The following PRR11 variants were observed in gnomAD, a reference collection of about 807,000 sequenced individuals.
PRR11 encodes proline rich 11, also known as proline-rich protein 11.
In PRR11, 30 loss-of-function variants were observed where a neutral mutation model predicts 45.6. The observed-to-expected ratio is 0.66, with a 90% confidence interval of 0.49 to 0.89. PRR11 has a LOEUF of 0.89. PRR11 is among the 40% of genes least tolerant of loss of function. PRR11 has a pLI of 0.00. For missense variants in PRR11, 373 were observed against 424.8 expected, an observed-to-expected ratio of 0.88 and a Z score of 1.07; for synonymous variants, 128 against 153.5, an observed-to-expected ratio of 0.83 and a Z score of 1.23.
chr17:59,176,633 T>C (rs2046747283), intron 2 of PRR11, among the ~76,000 whole-genome samples: 1 of 151,746 alleles, frequency 6.6e-6, no homozygotes, highest in South Asian at 2.1e-4. Context: ...TATGGTTCCT[T>C]TTGTTTTATT....
rs140541931 is a variant in PRR11, at chr17:59,196,918, C to T, written c.858-626C>T. Among the ~76,000 whole-genome samples, 1,378 of 152,056 alleles carry T rather than the reference C, an allele frequency of 9.1e-3. 8 individuals are homozygous for T. The highest frequency in any genetic ancestry group is 0.027 in the Middle Eastern group (8 of 294). On this transcript the variant is annotated intron_variant, in intron 7 of 9. Coordinates refer to ENST00000262293, the MANE Select transcript of PRR11 (RefSeq NM_018304.4). ...CCAGGCTGGAGTAGTGGCACAAGCTCGGCTCACTACAACCTCCGCCTCCCA... is the reference window on the plus strand; with the variant it reads ...CCAGGCTGGAGTAGTGGCACAAGCTTGGCTCACTACAACCTCCGCCTCCCA...
intron 6 of PRR11, 41 bp downstream of exon 6, chr17:59,194,896 A>G (rs937869591): frequency 1.2e-5 from 18 of 1,523,490 alleles, no homozygotes; most frequent in Non-Finnish European, 1.5e-5. Flanking sequence ...TTTTGCTTTT[A>G]ACAATATAGG....
At chr17:59,191,716 C>T (rs1599705623) in intron 4 of PRR11, among the ~76,000 whole-genome samples, 1 of 152,110 alleles carries the variant, frequency 6.6e-6, no homozygotes, top group Non-Finnish European at 1.5e-5. Flanking sequence ...CCCCTCTTTT[C>T]AATATCCAGA....
At chr17:59,174,902 A>C in intron 2 of PRR11, 1 of 1,132,690 alleles carries the variant, frequency 8.8e-7, no homozygotes. Context: ...CCCCTTGTCC[A>C]GCCTCCAGCC....
chr17:59,189,446 G>C (rs1321343222), intron 4 of PRR11, among the ~76,000 whole-genome samples: 5 of 151,772 alleles, frequency 3.3e-5, no homozygotes, highest in African/African-American at 1.2e-4. Flanking sequence ...CAGTTCTTCT[G>C]CCTCAACCTC....
At chr17:59,166,000 G>C (rs1377469122) in intron 1 of PRR11, among the ~76,000 whole-genome samples, 1 of 152,198 alleles carries the variant, frequency 6.6e-6, no homozygotes, top group Non-Finnish European at 1.5e-5. Context: ...CTGATAGTTA[G>C]TCCAATTAGA....
intron 1 of PRR11, among the ~76,000 whole-genome samples, chr17:59,169,159 T>C (rs145872243): frequency 0.033 from 4,644 of 141,064 alleles, 270 homozygotes; most frequent in African/African-American, 0.12. Context: ...AGTGCAATGG[T>C]GCAATCTCAG....
chr17:59,184,146 A>G (rs1240604624), intron 2 of PRR11, among the ~76,000 whole-genome samples: 1 of 152,028 alleles, frequency 6.6e-6, no homozygotes, highest in Non-Finnish European at 1.5e-5. Context: ...GTTGGATGAC[A>G]TTCAGAGACC....
Position 59,201,806 on chromosome 17 carries a change from A to G in PRR11, c.*175A>G. Reference sequence around the variant, plus strand: ...GCCAACATGGTGAAACTCCTTCCCCACTAAAAATACAGAAATTAGCTGGGC... The same window carrying G: ...GCCAACATGGTGAAACTCCTTCCCCGCTAAAAATACAGAAATTAGCTGGGC... On this transcript the variant is annotated 3_prime_UTR_variant, in exon 10 of 10. Coordinates refer to ENST00000262293, the MANE Select transcript of PRR11 (RefSeq NM_018304.4). 3 of 604,958 alleles carry G rather than the reference A, an allele frequency of 5.0e-6. No individual in the cohort carries two copies. The highest frequency in any genetic ancestry group is 6.2e-5 in the East Asian group (2 of 32,446). The allele number at this position is 604,958 out of a possible 1,614,324, so 37.5% of individuals were successfully genotyped here.
At chr17:59,170,350 T>TAAAGC (rs2046701656) in intron 2 of PRR11, among the ~76,000 whole-genome samples, 1 of 152,202 alleles carries the variant, frequency 6.6e-6, no homozygotes, top group Admixed American at 6.5e-5. Context: ...GGAATATATT[T>TAAAGC]ATACTAAAAT....
intron 4 of PRR11, 35 bp from the exon 5 acceptor site, chr17:59,193,457 G>C (rs745822324): frequency 9.3e-6 from 15 of 1,611,566 alleles, no homozygotes; most frequent in Middle Eastern, 1.6e-4. Context: ...AAATTAACTT[G>C]TTATTTATTT....
intron 1 of PRR11, among the ~76,000 whole-genome samples, chr17:59,157,223 T>G (rs2046629966): frequency 6.6e-6 from 1 of 152,250 alleles, no homozygotes; most frequent in South Asian, 2.1e-4. Flanking sequence ...ATTTAGCTCC[T>G]GCTGTATTCT....
At chr17:59,173,654 C>T (rs1401130932) in intron 2 of PRR11, among the ~76,000 whole-genome samples, 1 of 152,190 alleles carries the variant, frequency 6.6e-6, no homozygotes, top group African/African-American at 2.4e-5. Context: ...CCGGACACGC[C>T]ACCTTTAAGA....
At chr17:59,199,711 C>A (rs988666076) in intron 9 of PRR11, among the ~76,000 whole-genome samples, 6 of 152,214 alleles carry the variant, frequency 3.9e-5, no homozygotes, top group Non-Finnish European at 8.8e-5. Context: ...GCAGACTCCA[C>A]TGCTGACACT....
At chr17:59,198,983 T>C (rs781309208) in intron 9 of PRR11, among the ~76,000 whole-genome samples, 34 of 152,206 alleles carry the variant, frequency 2.2e-4, no homozygotes, top group Non-Finnish European at 5.9e-5. Context: ...ACTGGGAATA[T>C]AGTGGTAAGC....
At chr17:59,196,340 A>T (rs2046865972) in intron 7 of PRR11, among the ~76,000 whole-genome samples, 1 of 152,088 alleles carries the variant, frequency 6.6e-6, no homozygotes, top group African/African-American at 2.4e-5. Context: ...CATATTATAT[A>T]ATTTCTGAAA....
At chr17:59,171,539 A>G (rs1465979054) in intron 2 of PRR11, among the ~76,000 whole-genome samples, 2 of 152,138 alleles carry the variant, frequency 1.3e-5, no homozygotes, top group East Asian at 3.8e-4. Flanking sequence ...AAACAAAATT[A>G]TATGTATATA....
At chr17:59,160,768 C>T (rs1162569991) in intron 1 of PRR11, 1 of 152,056 alleles carries the variant, frequency 6.6e-6, no homozygotes, top group Non-Finnish European at 1.5e-5. Flanking sequence ...GTTTCTCGCT[C>T]TGTGTTCCAG....
At chr17:59,168,683 G>A (rs972331935) in intron 1 of PRR11, among the ~76,000 whole-genome samples, 2 of 151,944 alleles carry the variant, frequency 1.3e-5, no homozygotes, top group African/African-American at 2.4e-5. Context: ...GAGCTAGACT[G>A]TGCCTCAAAA....
Sources: gnomAD v4.1 joint callset for allele counts (sites outside exome capture counted in the v4.1 genomes callset) on GRCh38, gnomAD v4.1.1 for gene constraint, MANE v1.5 for transcripts, NCBI Gene and HGNC (gene_info 2026-07-23, HGNC 2026-07-21) for gene names.